The following SMOC2 variants were observed in gnomAD, a reference collection of about 807,000 sequenced individuals.
SMOC2 encodes SPARC-related modular calcium-binding protein 2.
A neutral mutation model predicts 61.4 loss-of-function variants in SMOC2; 39 were observed. The observed-to-expected ratio is 0.64, with a 90% CI of 0.49 to 0.83. SMOC2 has a LOEUF of 0.83. Among genes scored for constraint, SMOC2 ranks in the 40% least tolerant of loss-of-function variants. SMOC2 has a pLI of 0.00. For synonymous variants in SMOC2, 247 were observed against 239.9 expected, an observed-to-expected ratio of 1.03 and a Z score of -0.27; for missense variants, 556 against 592.9, an observed-to-expected ratio of 0.94 and a Z score of 0.65.
intron 7 of SMOC2, among the ~76,000 whole-genome samples, chr6:168,587,740 A>T (rs1364798328): frequency 6.6e-6 from 1 of 152,174 alleles, no homozygotes; most frequent in Non-Finnish European, 1.5e-5. Context: ...GCAAACAGCG[A>T]GGGAGGTCTG....
intron 1 of SMOC2, among the ~76,000 whole-genome samples, chr6:168,485,336 A>T (rs1782305863): frequency 6.6e-6 from 1 of 152,180 alleles, no homozygotes; most frequent in Non-Finnish European, 1.5e-5. Flanking sequence ...ATACCAAAAG[A>T]ATTGAAAGCA....
chr6:168,540,194 G>A (rs1387665479), intron 4 of SMOC2, among the ~76,000 whole-genome samples: 3 of 152,258 alleles, frequency 2.0e-5, no homozygotes, highest in African/African-American at 4.8e-5. Context: ...TGACAGGTGT[G>A]TATGAGGGGG....
At chr6:168,631,233 C>A (rs925138020) in intron 9 of SMOC2, among the ~76,000 whole-genome samples, 23 of 152,174 alleles carry the variant, frequency 1.5e-4, no homozygotes, top group African/African-American at 5.3e-4. Context: ...CTTTATTTCT[C>A]AAGCCGGCTG....
chr6:168,633,843 C>T (rs1786637284), intron 9 of SMOC2, among the ~76,000 whole-genome samples: 1 of 152,124 alleles, frequency 6.6e-6, no homozygotes, highest in Admixed American at 6.5e-5. Context: ...ATTGTAGTTC[C>T]CATAATCCCC....
chr6:168,539,288 G>T (rs1280744446), intron 4 of SMOC2, among the ~76,000 whole-genome samples: 1 of 152,168 alleles, frequency 6.6e-6, no homozygotes, highest in African/African-American at 2.4e-5. Flanking sequence ...TAGCCAGAGA[G>T]GCACCTGTTT....
At chr6:168,557,516 AAC>A (rs1403773802) in intron 7 of SMOC2, among the ~76,000 whole-genome samples, 5 of 152,356 alleles carry the variant, frequency 3.3e-5, no homozygotes, top group African/African-American at 1.2e-4. Flanking sequence ...GTGGTTTGGA[AAC>A]ACACACCAAC....
chr6:168,602,181 CTG>C (rs1198228024), intron 8 of SMOC2, among the ~76,000 whole-genome samples: 1 of 152,212 alleles, frequency 6.6e-6, no homozygotes. Flanking sequence ...CCCAGAACTG[CTG>C]TCCCTTGCTG....
Position 168,599,418 on chromosome 6 carries a change from A to AC in SMOC2, c.824+420dup, listed in dbSNP as rs528633537. ...CACACACTGACACACACACATTCAT[A>AC]CCCCCCACACCCACACTCACACACA... On this transcript the variant is annotated intron_variant, in intron 8 of 12. Coordinates refer to ENST00000356284, the MANE Select transcript of SMOC2 (RefSeq NM_001166412.2). Among the ~76,000 whole-genome samples, 466 of 58,038 alleles carry AC rather than the reference A, an allele frequency of 8.0e-3. 4 individuals carry two copies. The highest frequency in any genetic ancestry group is 0.055 in the South Asian group (93 of 1,692). 38.1% of individuals were successfully genotyped at this position (58,038 alleles called of 152,430 possible).
chr6:168,636,059 T>C (rs920231646), intron 9 of SMOC2, among the ~76,000 whole-genome samples: 9 of 152,156 alleles, frequency 5.9e-5, no homozygotes, highest in African/African-American at 2.2e-4. Flanking sequence ...AGGAATAGCA[T>C]GTCTGTTGTG....
At chr6:168,484,638 A>G (rs1217078471) in intron 1 of SMOC2, among the ~76,000 whole-genome samples, 2 of 152,246 alleles carry the variant, frequency 1.3e-5, no homozygotes, top group Non-Finnish European at 2.9e-5. Flanking sequence ...AGATATTTGT[A>G]TACTCATTTT....
chr6:168,489,931 T>G (rs1031847682), intron 1 of SMOC2, among the ~76,000 whole-genome samples: 4 of 147,268 alleles, frequency 2.7e-5, no homozygotes, highest in African/African-American at 1.0e-4. Flanking sequence ...TGTTTTAGAG[T>G]GAAATATATC....
At chr6:168,457,326 C>T (rs909423218) in intron 1 of SMOC2, among the ~76,000 whole-genome samples, 8 of 152,308 alleles carry the variant, frequency 5.3e-5, no homozygotes, top group Admixed American at 1.3e-4. Flanking sequence ...CCCAGCGTGA[C>T]GCCAGCCACG....
chr6:168,516,017 G>A (rs935506709), intron 2 of SMOC2, among the ~76,000 whole-genome samples: 3 of 152,226 alleles, frequency 2.0e-5, no homozygotes, highest in African/African-American at 7.2e-5. Context: ...GTGTCGCCTC[G>A]GCACATATGA....
intron 9 of SMOC2, among the ~76,000 whole-genome samples, chr6:168,613,023 T>C (rs1785923995): frequency 2.6e-5 from 4 of 152,216 alleles, no homozygotes; most frequent in Admixed American, 2.6e-4. Flanking sequence ...GATACGGTTT[T>C]CCGGCTGACT....
intron 9 of SMOC2, among the ~76,000 whole-genome samples, chr6:168,628,533 A>G (rs6922421): frequency 0.9 from 137,709 of 152,266 alleles, 62,355 homozygotes; most frequent in Middle Eastern, 0.99. Context: ...ATTAGGAAAC[A>G]GGAGTATGTA....
At chr6:168,520,026 T>C in intron 2 of SMOC2, among the ~76,000 whole-genome samples, 1 of 152,196 alleles carries the variant, frequency 6.6e-6, no homozygotes, top group Admixed American at 6.5e-5. Flanking sequence ...CCCTTAGCTC[T>C]GAAATGGTGT....
chr6:168,545,662 A>G (rs543472788), intron 5 of SMOC2, among the ~76,000 whole-genome samples: 1 of 152,268 alleles, frequency 6.6e-6, no homozygotes, highest in Non-Finnish European at 1.5e-5. Flanking sequence ...CCCATTACTC[A>G]CCCTGTCCTC....
chr6:168,441,422 C>G lies in SMOC2; in HGVS notation c.52C>G (p.Pro18Ala), dbSNP rs1381303486. 10 of 1,510,178 alleles carry G rather than the reference C, an allele frequency of 6.6e-6. No individual in the cohort carries two copies. The Admixed American group carries it at 1.9e-4, about 29-fold the overall frequency. 93.5% of individuals were successfully genotyped at this position (1,510,178 alleles called of 1,614,324 possible). The change falls in exon 1 of 13, where the codon CCG (proline) becomes GCG (alanine). Residue 18 changes from proline (P) to alanine (A), a missense_variant. Physicochemically the swap from Pro to Ala is conservative, Grantham distance 27. Transcript: ENST00000356284. ...GCCGCTGCTCGCTGGGCTGCTCCCG[C>G]CGGTGCCCGCTCAGAAGTTCTCGGC... ...WLPLLAGLLP[P>A]VPAQKFSALT...
In SMOC2 at chr6:168,544,830, G is replaced by A. The variant is rs1280581341; in HGVS notation, c.511+1158G>A. Among the ~76,000 whole-genome samples, 1 of 152,204 alleles carries A rather than the reference G, an allele frequency of 6.6e-6. No individual in the cohort carries two copies. Among genetic ancestry groups the A allele is most frequent in the Non-Finnish European group, 1.5e-5 (1 of 68,040 alleles). ...GGACACTGACATTTTGGAGGGACAAGCTGGCATGAAAGTAAATGTCAGGCT... is the reference window on the plus strand; with the variant it reads ...GGACACTGACATTTTGGAGGGACAAACTGGCATGAAAGTAAATGTCAGGCT... On this transcript the variant is annotated intron_variant, in intron 5 of 12. Transcript: ENST00000356284. The surrounding 1 kb of genome is among the most constrained non-coding windows in gnomAD (Gnocchi z 4.1).
Sources: allele counts gnomAD v4.1 joint callset (sites outside exome capture counted in the v4.1 genomes callset), GRCh38; gene constraint gnomAD v4.1.1; non-coding constraint Gnocchi (gnomAD v3.1); transcripts MANE v1.5; gene names NCBI Gene and HGNC (gene_info 2026-07-23, HGNC 2026-07-21).